The following PTPN23 variants were observed in gnomAD, a reference collection of about 807,000 sequenced individuals.
PTPN23 encodes tyrosine-protein phosphatase non-receptor type 23.
In PTPN23, 72 loss-of-function variants were observed where a neutral mutation model predicts 156.3. The observed-to-expected ratio is 0.46, with a 90% confidence interval of 0.38 to 0.56. The LOEUF (loss-of-function observed/expected upper bound fraction) is 0.56, where lower values mean the gene tolerates loss of function less well. Among genes scored for constraint, PTPN23 ranks in the 20% least tolerant of loss-of-function variants. PTPN23 has a pLI of 0.00. For synonymous variants in PTPN23, 957 were observed against 899.6 expected (o/e 1.06, Z -1.14); for missense variants, 1,974 against 2,171.5 (o/e 0.91, Z 1.81).
At chr3:47,403,265 G>T (rs984968352) in intron 2 of PTPN23, among the ~76,000 whole-genome samples, 5 of 151,608 alleles carry the variant, frequency 3.3e-5, no homozygotes, top group African/African-American at 1.2e-4. Context: ...TGTTAGCCAG[G>T]ATGGTCTCGA....
Position 47,413,052 on chromosome 3 carries a change from C to T in PTPN23, c.4778C>T (p.Ser1593Phe), listed in dbSNP as rs1705367410. The change falls in exon 25 of 25, where the codon TCC becomes TTC. Residue 1593 changes from serine to phenylalanine, a missense_variant. Ser to Phe is a radical substitution (Grantham distance 155). This residue lies in a region of PTPN23 where 484 missense variants were observed against 516.0 expected (regional missense o/e 0.94). Transcript: ENST00000265562. ...CCAGAGGCCTTCTCCCTGGACAGCT[C>T]CCTGCGGGGCAAACAGCGGATGAGC... ...LTPEAFSLDS[S>F]LRGKQRMSKH... 1 of 1,612,968 alleles carries T rather than the reference C, an allele frequency of 6.2e-7. No individual in the cohort carries two copies. Among genetic ancestry groups the T allele is most frequent in the Non-Finnish European group, 8.5e-7 (1 of 1,180,024 alleles).
At chr3:47,402,869 C>T (rs897948806) in intron 2 of PTPN23, among the ~76,000 whole-genome samples, 1 of 152,016 alleles carries the variant, frequency 6.6e-6, no homozygotes, top group Non-Finnish European at 1.5e-5. Context: ...CCACACCCAG[C>T]TAATTTTTGT....
At position 47,400,346 on chromosome 3, in the gene PTPN23, C is replaced by T. The variant is rs978316750; in HGVS notation, c.159+4129C>T. 2.6e-5 allele frequency among the ~76,000 whole-genome samples: 4 copies of T among 152,190 alleles called. No homozygotes were observed. The South Asian group carries it at 8.3e-4, about 31-fold the overall frequency. On this transcript the variant is annotated intron_variant, in intron 2 of 24. Transcript: ENST00000265562. The stretch of plus-strand genomic sequence containing the variant: ...CTGTGATTACAGGGAATAAAACTGA[C>T]AGGTGCAGGGGATGCTATGGGGGCA...
At chr3:47,386,466 C>T (rs1704654683) in intron 1 of PTPN23, among the ~76,000 whole-genome samples, 1 of 152,084 alleles carries the variant, frequency 6.6e-6, no homozygotes. Flanking sequence ...GTGCCCAGCC[C>T]ACAGTGCACA....
chr3:47,406,686 C>T lies in PTPN23; in HGVS notation c.760-17C>T. 1.2e-6 allele frequency: 2 copies of T among 1,614,006 alleles called. No individual in the cohort carries two copies. The highest frequency in any genetic ancestry group is 1.7e-6 in the Non-Finnish European group (2 of 1,179,986). ...CAGCTCAGGAAGCAAGTCGTGGCGT[C>T]TCTTCTTCTTTCCCAGCTGCACATG... On this transcript the variant is annotated splice_polypyrimidine_tract_variant and intron_variant, in intron 8 of 24. Transcript: ENST00000265562. This position sits in a 1 kb window ranked among gnomAD's most constrained non-coding sequence, Gnocchi z 5.8.
At chr3:47,394,734 A>G (rs1292022632) in intron 1 of PTPN23, among the ~76,000 whole-genome samples, 1 of 152,164 alleles carries the variant, frequency 6.6e-6, no homozygotes, top group Non-Finnish European at 1.5e-5. Flanking sequence ...TTTAGATTAT[A>G]TATCATTTCC....
At position 47,411,403 on chromosome 3, in the gene PTPN23, A is replaced by G; in HGVS notation, c.3605A>G (p.Gln1202Arg). ...DTVWRELQDA[Q>R]EHDARGRSIA... Reference sequence around the variant, plus strand: ...GTCTGGCGAGAGCTGCAAGATGCGCAGGAACATGATGCCCGAGGCCGTTCC... The same window carrying G: ...GTCTGGCGAGAGCTGCAAGATGCGCGGGAACATGATGCCCGAGGCCGTTCC... Residue 1202 changes from glutamine to arginine, a missense_variant, in exon 20 of 25, where the codon CAG (glutamine) becomes CGG (arginine). Transcript: ENST00000265562. This position sits in a 1 kb window ranked among gnomAD's most constrained non-coding sequence, Gnocchi z 6.3. 1 of 1,613,088 alleles carries G rather than the reference A, an allele frequency of 6.2e-7. No individual in the cohort carries two copies. The highest frequency in any genetic ancestry group is 1.6e-4 in the Middle Eastern group (1 of 6,062).
At chr3:47,399,188 C>T (rs1021011570) in intron 2 of PTPN23, among the ~76,000 whole-genome samples, 1 of 152,148 alleles carries the variant, frequency 6.6e-6, no homozygotes, top group African/African-American at 2.4e-5. Context: ...GGACAGAGTC[C>T]TTTTTGTCCA....
intron 1 of PTPN23, among the ~76,000 whole-genome samples, chr3:47,383,447 T>G (rs1704590028): frequency 6.6e-6 from 1 of 152,252 alleles, no homozygotes. Flanking sequence ...ATCCTTTCCC[T>G]GGTGACAGTT....
chr3:47,396,803 A>G (rs1263505787), intron 2 of PTPN23, among the ~76,000 whole-genome samples: 1 of 152,066 alleles, frequency 6.6e-6, no homozygotes, highest in African/African-American at 2.4e-5. Flanking sequence ...GTGCACAGCT[A>G]TGTCCCCAGC....
At chr3:47,388,115 C>G (rs1333559320) in intron 1 of PTPN23, among the ~76,000 whole-genome samples, 3 of 152,324 alleles carry the variant, frequency 2.0e-5, no homozygotes, top group Admixed American at 1.3e-4. Flanking sequence ...GATTACATAA[C>G]TAATGTAGTC....
Position 47,406,216 on chromosome 3 carries a change from A to T in PTPN23, c.547-109A>T. 6.8e-7 allele frequency: 1 copy of T among 1,471,640 alleles called. No individual in the cohort carries two copies. Among genetic ancestry groups the T allele is most frequent in the Non-Finnish European group, 9.3e-7 (1 of 1,074,196 alleles). 91.2% of individuals were successfully genotyped at this position (1,471,640 alleles called of 1,614,324 possible). On this transcript the variant is annotated intron_variant, in intron 6 of 24. Coordinates refer to ENST00000265562, the MANE Select transcript of PTPN23 (RefSeq NM_015466.4). The surrounding 1 kb of genome is among the most constrained non-coding windows in gnomAD (Gnocchi z 5.8). ...TGCTTGGAGTGGGGGCAGCTGGGGG[A>T]GAGGGCAGTGAAGAGGGATCCCTCA...
chr3:47,405,579 A>G lies in PTPN23; in HGVS notation c.365-170A>G, dbSNP rs2107714068. The G allele has an allele frequency of 3.0e-6, 2 of 667,676 alleles. No individual in the cohort carries two copies. The highest frequency in any genetic ancestry group is 5.5e-5 in the East Asian group (2 of 36,594). 41.4% of individuals were successfully genotyped at this position (667,676 alleles called of 1,614,324 possible). A position where few individuals can be genotyped will look rare whatever the true frequency, so the allele number is the denominator to read the frequency against. ...CAGAGCAGGAGACTGAGGGCTGGGC[A>G]GGACTTCTGAGTTTCCCTGTTCCCT... On this transcript the variant is annotated intron_variant, in intron 4 of 24. Transcript: ENST00000265562. The surrounding 1 kb of genome is among the most constrained non-coding windows in gnomAD (Gnocchi z 4.7).
At chr3:47,393,486 G>A (rs1426499259) in intron 1 of PTPN23, among the ~76,000 whole-genome samples, 3 of 152,076 alleles carry the variant, frequency 2.0e-5, no homozygotes, top group African/African-American at 7.2e-5. Flanking sequence ...CACCTTATTT[G>A]TTTTCTCTCC....
At position 47,409,930 on chromosome 3, in the gene PTPN23, A is replaced by T. The variant is rs1241824242; in HGVS notation, c.2132A>T (p.Glu711Val). ...EAARQQLLDR[E>V]LKKKPPPRPT... Reference sequence around the variant, plus strand: ...CTTTTTCCTTGCCTGTCGCACAGGGAGCTGAAGAAGAAGCCGCCGCCACGG... The same window carrying T: ...CTTTTTCCTTGCCTGTCGCACAGGGTGCTGAAGAAGAAGCCGCCGCCACGG... The change falls in exon 20 of 25, where the codon GAG becomes GTG. Residue 711 changes from glutamate to valine, a missense_variant and splice_region_variant. Glu to Val is a moderately radical substitution (Grantham distance 121, BLOSUM62 -2). Coordinates refer to ENST00000265562, the MANE Select transcript of PTPN23 (RefSeq NM_015466.4). 3 of 1,570,028 alleles carry T rather than the reference A, an allele frequency of 1.9e-6. No homozygotes were observed. The South Asian group carries it at 3.6e-5, about 19-fold the overall frequency.
At chr3:47,401,079 T>A (rs1345313657) in intron 2 of PTPN23, among the ~76,000 whole-genome samples, 1 of 151,806 alleles carries the variant, frequency 6.6e-6, no homozygotes, top group Non-Finnish European at 1.5e-5. Context: ...ATTTTTGTAT[T>A]TTTAGTAGAG....
At position 47,412,554 on chromosome 3, in the gene PTPN23, T is replaced by C. The variant is rs767847290; in HGVS notation, c.4358T>C (p.Val1453Ala). The C allele has an allele frequency of 1.2e-6, 2 of 1,613,590 alleles. No individual in the cohort carries two copies. Among genetic ancestry groups the C allele is most frequent in the South Asian group, 1.1e-5 (1 of 91,090 alleles). The change falls in exon 24 of 25, where the codon GTG becomes GCG. Residue 1453 changes from valine to alanine, a missense_variant. Coordinates refer to ENST00000265562, the MANE Select transcript of PTPN23 (RefSeq NM_015466.4). ...RFCYEAVVRH[V>A]EQVLQRHGVP... ...TGCTATGAGGCAGTGGTGAGACACG[T>C]GGAGCAGGTCCTGCAGCGCCATGGT...
chr3:47,413,231 A>ATGCCCACC lies in PTPN23; in HGVS notation c.*54_*61dup. The ATGCCCACC allele has an allele frequency of 6.6e-7, 1 of 1,522,424 alleles. No individual in the cohort carries two copies. The highest frequency in any genetic ancestry group is 9.0e-7 in the Non-Finnish European group (1 of 1,117,138). The allele number at this position is 1,522,424 out of a possible 1,614,324, so 94.3% of individuals were successfully genotyped here. Reference sequence around the variant, plus strand: ...CCTTACACTACATCATCATCATCTCATGCCCACCTGCCCACACCCAGCAGA... The same window carrying ATGCCCACC: ...CCTTACACTACATCATCATCATCTCATGCCCACCTGCCCACCTGCCCACACCCAGCAGA... On this transcript the variant is annotated 3_prime_UTR_variant, in exon 25 of 25. Coordinates refer to ENST00000265562, the MANE Select transcript of PTPN23 (RefSeq NM_015466.4).
In PTPN23 at chr3:47,405,809, G is replaced by C. The variant is rs1161594981; in HGVS notation, c.414+11G>C. 4 of 1,589,374 alleles carry C rather than the reference G, an allele frequency of 2.5e-6. No homozygotes were observed. Among genetic ancestry groups the C allele is most frequent in the Non-Finnish European group, 3.4e-6 (4 of 1,167,402 alleles). On this transcript the variant is annotated intron_variant, in intron 5 of 24. Transcript: ENST00000265562. The surrounding 1 kb of genome is among the most constrained non-coding windows in gnomAD (Gnocchi z 4.7). Reference sequence around the variant, plus strand: ...CGGGTGTCTGAGGAGGTGAGGAGAGGGGCAGTAGTGGAACATGTGGACATA... The same window carrying C: ...CGGGTGTCTGAGGAGGTGAGGAGAGCGGCAGTAGTGGAACATGTGGACATA...
Sources: gnomAD v4.1 joint callset for allele counts (sites outside exome capture counted in the v4.1 genomes callset) on GRCh38, gnomAD v4.1.1 for gene constraint, gnomAD v4.1.1 regional missense constraint, Gnocchi (gnomAD v3.1) non-coding constraint, MANE v1.5 for transcripts, NCBI Gene and HGNC (gene_info 2026-07-23, HGNC 2026-07-21) for gene names.